Variants in ATXN7 observed in about 807,000 individuals in gnomAD.
ATXN7 encodes the protein ataxin 7.
A neutral mutation model predicts 70.5 loss-of-function variants in ATXN7; 12 were observed. The observed-to-expected ratio is 0.17, with a 90% CI of 0.11 to 0.28. ATXN7 has a LOEUF of 0.28. ATXN7 is among the 10% of genes least tolerant of loss of function. The probability of loss-of-function intolerance (pLI) is 1.00; values close to 1 mark genes in which losing one functional copy is unlikely to be tolerated. For synonymous variants in ATXN7, 498 were observed against 448.7 expected (o/e 1.11, Z -1.39); for missense variants, 1,256 against 1,131.7 (o/e 1.11, Z -1.58).
At chr3:63,931,666 A>G (rs1196521059) in intron 4 of ATXN7, among the ~76,000 whole-genome samples, 1 of 151,914 alleles carries the variant, frequency 6.6e-6, no homozygotes, top group Non-Finnish European at 1.5e-5. Context: ...CCTTGACTGT[A>G]TTTATTCTGT....
rs576681151 is a variant in ATXN7 at position 63,944,756 on chromosome 3, TTTTTTTG to T, written c.395-7613_395-7607del. 3.1e-3 allele frequency among the ~76,000 whole-genome samples: 472 copies of T among 152,202 alleles called. 3 individuals carry two copies. Among genetic ancestry groups the T allele is most frequent in the African/African-American group, 0.011 (454 of 41,520 alleles). On this transcript the variant is annotated intron_variant, in intron 4 of 12. Coordinates refer to ENST00000674280, the MANE Select transcript of ATXN7 (RefSeq NM_001377405.1). ...GTGGATCAATTTTGTGAGTTATGTT[TTTTTTTG>T]TTTTTTGTTAGTTTTTGGTTTTTGT...
At chr3:63,910,078 A>G (rs895479899) in intron 2 of ATXN7, among the ~76,000 whole-genome samples, 3 of 152,194 alleles carry the variant, frequency 2.0e-5, no homozygotes, top group Admixed American at 1.3e-4. Flanking sequence ...TATTAAACCA[A>G]TCAAAAACTT....
chr3:63,878,236 A>G (rs987295405), intron 1 of ATXN7, among the ~76,000 whole-genome samples: 14 of 152,328 alleles, frequency 9.2e-5, no homozygotes, highest in African/African-American at 2.9e-4. Flanking sequence ...TTCAGTGTGA[A>G]AATACAAAGC....
intron 1 of ATXN7, among the ~76,000 whole-genome samples, chr3:63,891,100 C>A (rs1703246777): frequency 6.6e-6 from 1 of 152,154 alleles, no homozygotes; most frequent in Admixed American, 6.5e-5. Context: ...ACCTCCACCT[C>A]CCGGGTTCAA....
chr3:63,992,381 T>C (rs551284900), intron 11 of ATXN7, among the ~76,000 whole-genome samples: 2 of 152,308 alleles, frequency 1.3e-5, no homozygotes, highest in African/African-American at 4.8e-5. Flanking sequence ...GTTTGGGGGT[T>C]CTGCAGGGGT....
rs1559663322 is a variant in ATXN7, at chr3:63,996,173, C to T, written c.2351C>T (p.Pro784Leu). The T allele has an allele frequency of 1.2e-6, 2 of 1,614,194 alleles. No individual in the cohort carries two copies. The highest frequency in any genetic ancestry group is 1.7e-6 in the Non-Finnish European group (2 of 1,180,040). Reference protein sequence around the residue: ...QSGRGPPTGSPAESIKRMSVM... With the variant: ...QSGRGPPTGSLAESIKRMSVM... ...GGGAGGGGCCCCCCCACCGGGAGCC[C>T]TGCTGAATCCATCAAGAGGATGAGT... Residue 784 changes from proline to leucine, a missense_variant, in exon 12 of 13, where the codon CCT (proline) becomes CTT (leucine). By Grantham distance (98) the Pro-to-Leu change is moderately conservative. Coordinates refer to ENST00000674280, the MANE Select transcript of ATXN7 (RefSeq NM_001377405.1).
rs191714571 is a variant in ATXN7 at position 63,929,290 on chromosome 3, T to A, written c.394+16065T>A. Among the ~76,000 whole-genome samples the A allele has an allele frequency of 3.6e-3, 551 of 151,126 alleles. 3 individuals carry two copies. The highest frequency in any genetic ancestry group is 0.012 in the African/African-American group (510 of 41,042). ...CTCTCTTTTTTTTTTTTTTTTTTGT[T>A]TGAGATGGAGTCTCGCTCTGTTGCC... On this transcript the variant is annotated intron_variant, in intron 4 of 12. Coordinates refer to ENST00000674280, the MANE Select transcript of ATXN7 (RefSeq NM_001377405.1).
intron 7 of ATXN7, 78 bp downstream of exon 7, chr3:63,982,523 T>C (rs1484129473): frequency 8.1e-7 from 1 of 1,240,140 alleles, no homozygotes; most frequent in Non-Finnish European, 1.1e-6. Context: ...TCAACTGCAA[T>C]CTAGAATTCC....
intron 1 of ATXN7, among the ~76,000 whole-genome samples, chr3:63,881,798 A>T (rs1240759815): frequency 6.6e-6 from 1 of 152,078 alleles, no homozygotes; most frequent in Admixed American, 6.6e-5. Flanking sequence ...GCTTGATTGG[A>T]GCATTCTACA....
rs1305458162 is a variant in ATXN7, at chr3:64,001,097, C to G, written c.*1630C>G. The G allele has an allele frequency of 1.3e-5, 2 of 151,998 alleles. No homozygotes were observed. The highest frequency in any genetic ancestry group is 1.3e-4 in the Admixed American group (2 of 15,258). The allele number at this position is 151,998 out of a possible 1,614,324, so 9.4% of individuals were successfully genotyped here. The stretch of plus-strand genomic sequence containing the variant: ...ACTTCAGTTTCAGGGAATTTCAAGT[C>G]AACAACAGGTAGAATGAATAAACTT... On this transcript the variant is annotated 3_prime_UTR_variant, in exon 13 of 13. Coordinates refer to ENST00000674280, the MANE Select transcript of ATXN7 (RefSeq NM_001377405.1).
Position 64,002,288 on chromosome 3 carries a change from T to C in ATXN7, c.*2821T>C, listed in dbSNP as rs1171836948. The C allele has an allele frequency of 4.6e-5, 7 of 152,568 alleles. No homozygotes were observed. Among genetic ancestry groups the C allele is most frequent in the Non-Finnish European group, 1.0e-4 (7 of 68,040 alleles). The allele number at this position is 152,568 out of a possible 1,614,324, so 9.5% of individuals were successfully genotyped here. On this transcript the variant is annotated 3_prime_UTR_variant, in exon 13 of 13. Transcript: ENST00000674280. ...TTGAAGTGGTTCACTGCCAAGCCAA[T>C]AGTTCTAGAACCTGCCTCCTTTACA... is the stretch of plus-strand genomic sequence containing the variant.
rs769845152 is a variant in ATXN7 at position 63,996,300 on chromosome 3, C to T, written c.2478C>T (p.His826=). ...CCCACGGCAGTTTTTCCCACTCACA[C>T]ACTCCTCTAGACAAACTCATAGGAA... is the stretch of plus-strand genomic sequence containing the variant. ...VNSHGSFSHS[H]TPLDKLIGKK... Residue 826 remains histidine (H), a synonymous_variant, in exon 12 of 13, where the codon CAC becomes CAT. Transcript: ENST00000674280. 1.2e-6 allele frequency: 2 copies of T among 1,614,168 alleles called. No individual in the cohort carries two copies. The highest frequency in any genetic ancestry group is 8.5e-7 in the Non-Finnish European group (1 of 1,180,038).
At chr3:63,890,157 A>T (rs1703212046) in intron 1 of ATXN7, among the ~76,000 whole-genome samples, 1 of 152,234 alleles carries the variant, frequency 6.6e-6, no homozygotes, top group Non-Finnish European at 1.5e-5. Flanking sequence ...ACAGCATCCT[A>T]AGCAACTGTT....
intron 7 of ATXN7, 169 bp from the exon 8 acceptor site, chr3:63,982,770 G>C (rs1171095739): frequency 3.2e-6 from 2 of 625,522 alleles, no homozygotes; most frequent in African/African-American, 3.7e-5. Flanking sequence ...TAGTGATGTT[G>C]CTGCTTTGTT....
chr3:63,990,752 G>T lies in ATXN7; in HGVS notation c.1575G>T (p.Gly525=), dbSNP rs2075658847. 1.2e-6 allele frequency: 2 copies of T among 1,613,990 alleles called. No homozygotes were observed. The highest frequency in any genetic ancestry group is 1.7e-6 in the Non-Finnish European group (2 of 1,179,990). Residue 525 remains glycine (G), a synonymous_variant, in exon 11 of 13, where the codon GGG becomes GGT. Transcript: ENST00000674280. The part of the protein sequence containing the change: ...HPQPASFCTF[G]SRQIGRGYYV... ...TTCTCTTGCAGTTTTGCACATTTGG[G>T]AGCCGGCAGATAGGAAGAGGCTATT...
chr3:63,994,218 G>A (rs573148511), intron 11 of ATXN7, among the ~76,000 whole-genome samples: 67 of 152,210 alleles, frequency 4.4e-4, no homozygotes, highest in Non-Finnish European at 7.5e-4. Flanking sequence ...CTTGAATGGG[G>A]TTTTGGGTTT....
intron 4 of ATXN7, among the ~76,000 whole-genome samples, chr3:63,945,550 T>C (rs1386208221): frequency 6.6e-6 from 1 of 152,220 alleles, no homozygotes; most frequent in Non-Finnish European, 1.5e-5. Context: ...AATTATAACC[T>C]TCTGACTTAC....
chr3:63,989,986 AAC>A (rs1323739440), intron 9 of ATXN7, among the ~76,000 whole-genome samples, 188 bp from the exon 10 acceptor site: 2 of 152,216 alleles, frequency 1.3e-5, no homozygotes, highest in Non-Finnish European at 2.9e-5. Flanking sequence ...AGCTGAACTT[AAC>A]ATCCTGCAGT....
At chr3:63,864,727 A>G (rs1236014987) in intron 1 of ATXN7, 1 of 152,130 alleles carries the variant, frequency 6.6e-6, no homozygotes, top group African/African-American at 2.4e-5. Context: ...AAAAATGTCT[A>G]TGTGACTGTC....
Sources: allele counts gnomAD v4.1 joint callset (sites outside exome capture counted in the v4.1 genomes callset), GRCh38; gene constraint gnomAD v4.1.1; transcripts MANE v1.5; gene names NCBI Gene and HGNC (gene_info 2026-07-23, HGNC 2026-07-21).